NAALADL2: variants seen among roughly 807,000 people sequenced by gnomAD.
NAALADL2 encodes the protein N-acetylated alpha-linked acidic dipeptidase like 2.
NAALADL2 carries 76 observed loss-of-function variants against 87.2 expected under a neutral mutation model. The ratio of observed to expected loss-of-function variants is 0.87; its 90% CI spans 0.72 to 1.05. The LOEUF is 1.05. NAALADL2 is among the 50% of genes least tolerant of loss of function. The pLI, the probability that NAALADL2 is intolerant of heterozygous loss-of-function variation, is 0.00. For missense variants in NAALADL2, 1,089 were observed against 945.8 expected (o/e 1.15, Z -1.99); for synonymous variants, 354 against 331.0 (o/e 1.07, Z -0.75).
chr3:174,874,696 T>A (rs189395284), intron 1 of NAALADL2, among the ~76,000 whole-genome samples: 1 of 152,034 alleles, frequency 6.6e-6, no homozygotes, highest in African/African-American at 2.4e-5. Flanking sequence ...CAAGGTATAT[T>A]TTTTTTGCTA....
chr3:174,489,597 G>A (rs1427524365), intron 1 of NAALADL2, among the ~76,000 whole-genome samples: 3 of 151,824 alleles, frequency 2.0e-5, no homozygotes, highest in Non-Finnish European at 4.4e-5. Flanking sequence ...CTTTAAGAAG[G>A]GACTTGTATC....
chr3:175,428,981 T>G (rs1318655140), intron 5 of NAALADL2, among the ~76,000 whole-genome samples: 1 of 151,852 alleles, frequency 6.6e-6, no homozygotes, highest in Non-Finnish European at 1.5e-5. Context: ...AAATACAGAG[T>G]ATGAAGTAAA....
chr3:175,565,508 T>C (rs1716960406), intron 9 of NAALADL2, among the ~76,000 whole-genome samples: 1 of 152,138 alleles, frequency 6.6e-6, no homozygotes, highest in Admixed American at 6.5e-5. Flanking sequence ...TGACTCTTTA[T>C]TCTCTCCTGG....
intron 3 of NAALADL2, among the ~76,000 whole-genome samples, chr3:174,807,359 G>A (rs1484171160): frequency 6.6e-6 from 1 of 152,060 alleles, no homozygotes; most frequent in Non-Finnish European, 1.5e-5. Context: ...TTAGTAAAAT[G>A]CTCTGCTTCT....
chr3:175,456,898 T>C (rs1225437186), intron 6 of NAALADL2, among the ~76,000 whole-genome samples: 1 of 152,044 alleles, frequency 6.6e-6, no homozygotes, highest in Non-Finnish European at 1.5e-5. Flanking sequence ...TTTCTTGACT[T>C]CCTTTGCTTT....
intron 1 of NAALADL2, among the ~76,000 whole-genome samples, chr3:174,928,204 A>G (rs999316113): frequency 6.6e-6 from 1 of 152,104 alleles, no homozygotes; most frequent in Non-Finnish European, 1.5e-5. Context: ...GATGTTAGGG[A>G]TATTGTAAAA....
At chr3:174,626,981 C>T (rs1391637967) in intron 2 of NAALADL2, among the ~76,000 whole-genome samples, 1 of 152,048 alleles carries the variant, frequency 6.6e-6, no homozygotes, top group Non-Finnish European at 1.5e-5. Flanking sequence ...AAACTATTAA[C>T]ACCCATTGTC....
chr3:174,774,782 C>G (rs1160652252), intron 3 of NAALADL2, among the ~76,000 whole-genome samples: 8 of 152,294 alleles, frequency 5.3e-5, no homozygotes, highest in Non-Finnish European at 1.2e-4. Context: ...ATTTTAATCA[C>G]AAAAGTAATA....
rs540545038 is a variant in NAALADL2 at position 175,206,204 on chromosome 3, C to A, written c.546-27727C>A. 2.7e-3 allele frequency among the ~76,000 whole-genome samples: 394 copies of A among 147,150 alleles called. 1 individual carries two copies. The highest frequency in any genetic ancestry group is 4.9e-3 in the Non-Finnish European group (330 of 67,192). ...AAATCGTGGAAACAACCCAAATGCT[C>A]ATCAATCAATGAGAGGATAAAGATA... is the stretch of plus-strand genomic sequence containing the variant. On this transcript the variant is annotated intron_variant, in intron 2 of 13. Coordinates refer to ENST00000454872, the MANE Select transcript of NAALADL2 (RefSeq NM_207015.3).
intron 9 of NAALADL2, among the ~76,000 whole-genome samples, chr3:175,500,390 T>C (rs1440993063): frequency 6.6e-6 from 1 of 151,838 alleles, no homozygotes; most frequent in Non-Finnish European, 1.5e-5. Context: ...AAATCAATAG[T>C]AGGCAAAAAG....
intron 1 of NAALADL2, among the ~76,000 whole-genome samples, chr3:174,878,054 A>C (rs1728722217): frequency 6.6e-6 from 1 of 152,116 alleles, no homozygotes; most frequent in Admixed American, 6.6e-5. Context: ...CAAAGAAAAC[A>C]GTGATATACA....
intron 1 of NAALADL2, among the ~76,000 whole-genome samples, chr3:175,093,206 TTAAA>T (rs1374945275): frequency 6.6e-6 from 1 of 151,598 alleles, no homozygotes; most frequent in African/African-American, 2.4e-5. Context: ...ATATTTGTCT[TTAAA>T]TATAAAATTT....
chr3:174,667,499 G>A (rs191939009), intron 2 of NAALADL2, among the ~76,000 whole-genome samples: 89 of 149,878 alleles, frequency 5.9e-4, no homozygotes, highest in African/African-American at 1.9e-3. Flanking sequence ...ATTTTCATGG[G>A]CAGAAATGAG....
At chr3:174,503,769 A>G (rs934737371) in intron 1 of NAALADL2, among the ~76,000 whole-genome samples, 8 of 152,174 alleles carry the variant, frequency 5.3e-5, no homozygotes, top group African/African-American at 1.4e-4. Flanking sequence ...AGAACAATAT[A>G]GACTTCCTTT....
intron 5 of NAALADL2, among the ~76,000 whole-genome samples, chr3:175,408,678 T>G (rs1395788826): frequency 6.6e-6 from 1 of 152,012 alleles, no homozygotes; most frequent in Non-Finnish European, 1.5e-5. Flanking sequence ...TAAAATAGAT[T>G]GGTCTTGTTT....
chr3:175,164,361 T>A (rs994166048), intron 2 of NAALADL2, among the ~76,000 whole-genome samples: 4 of 151,974 alleles, frequency 2.6e-5, no homozygotes, highest in Admixed American at 2.6e-4. Flanking sequence ...AGCATCTTCT[T>A]ATCACATATT....
chr3:174,855,097 C>T (rs112976008), upstream of NAALADL2, among the ~76,000 whole-genome samples: 18,088 of 152,000 alleles, frequency 0.12, 1,166 homozygotes, highest in Middle Eastern at 0.15. Flanking sequence ...CCTTGGCCTC[C>T]CAAAGTGCTA....
At chr3:175,325,947 A>AT (rs982270029) in intron 5 of NAALADL2, among the ~76,000 whole-genome samples, 19 of 151,916 alleles carry the variant, frequency 1.3e-4, no homozygotes, top group African/African-American at 4.4e-4. Flanking sequence ...CCTAGAAATA[A>AT]TTTTTCATTT....
chr3:175,785,687 G>T (rs1208651693), intron 13 of NAALADL2, among the ~76,000 whole-genome samples: 10 of 135,426 alleles, frequency 7.4e-5, no homozygotes, highest in African/African-American at 3.0e-4. Flanking sequence ...TTTAATTGGA[G>T]CATTTAGTCC....
Sources: gnomAD v4.1 joint callset for allele counts (sites outside exome capture counted in the v4.1 genomes callset) on GRCh38, gnomAD v4.1.1 for gene constraint, MANE v1.5 for transcripts, NCBI Gene and HGNC (gene_info 2026-07-23, HGNC 2026-07-21) for gene names.